GEM: variants seen among roughly 807,000 people sequenced by gnomAD.
The protein encoded by GEM is GTP-binding protein GEM.
GEM carries 31 observed loss-of-function variants against 33.0 expected under a neutral mutation model. The observed-to-expected ratio is 0.94, with a 90% CI of 0.71 to 1.27. The LOEUF (loss-of-function observed/expected upper bound fraction) is 1.27, where lower values mean the gene tolerates loss of function less well. GEM is among the 50% of genes most tolerant of loss of function. GEM has a pLI of 0.00. For synonymous variants in GEM, 141 were observed against 143.7 expected (o/e 0.98, Z 0.13); for missense variants, 354 against 390.5 (o/e 0.91, Z 0.79).
chr8:94,255,601 T>G (rs1808874561), intron 2 of GEM, among the ~76,000 whole-genome samples: 1 of 152,202 alleles, frequency 6.6e-6, no homozygotes, highest in African/African-American at 2.4e-5. Context: ...TCATCTAAGT[T>G]GCTCAGCTCA....
chr8:94,252,360 A>C, intron 3 of GEM, 137 bp from the exon 4 acceptor site: 1 of 643,580 alleles, frequency 1.6e-6, no homozygotes, highest in Non-Finnish European at 2.7e-6. Flanking sequence ...AATCGCTTCC[A>C]ACTCCCTAAA....
At chr8:94,253,465 A>G (rs1487298367) in intron 2 of GEM, among the ~76,000 whole-genome samples, 2 of 152,340 alleles carry the variant, frequency 1.3e-5, no homozygotes, top group East Asian at 3.9e-4. Context: ...GGTTAATGCT[A>G]TGAGGAAACA....
chr8:94,259,639 T>C (rs929305189), intron 2 of GEM, among the ~76,000 whole-genome samples: 6 of 152,228 alleles, frequency 3.9e-5, no homozygotes, highest in African/African-American at 9.6e-5. Context: ...TCAGACTCTA[T>C]AGAAAGTTTC....
rs562260102 is a variant in GEM at position 94,250,009 on chromosome 8, T to C, written c.*301A>G. On this transcript the variant is annotated 3_prime_UTR_variant, in exon 5 of 5. Transcript: ENST00000297596. The stretch of plus-strand genomic sequence containing the variant: ...GAAAAGTTCTTGTTCTAGGCATTCT[T>C]TGTAAGCTTTACTTCTCTACTATCC... 1.0e-5 allele frequency: 3 copies of C among 300,534 alleles called. No individual in the cohort carries two copies. Among genetic ancestry groups the C allele is most frequent in the South Asian group, 2.3e-4 (2 of 8,770 alleles). 18.6% of individuals were successfully genotyped at this position (300,534 alleles called of 1,614,324 possible). A position where few individuals can be genotyped will look rare whatever the true frequency, so the allele number is the denominator to read the frequency against.
chr8:94,251,624 A>G (rs550861839), intron 4 of GEM, among the ~76,000 whole-genome samples: 1 of 152,306 alleles, frequency 6.6e-6, no homozygotes, highest in South Asian at 2.1e-4. Flanking sequence ...AGAGTAGGAC[A>G]GTGTTTCTAG....
In GEM at chr8:94,260,282, G is replaced by T. The variant is rs1819358506; in HGVS notation, c.222C>A (p.Thr74=). The change falls in exon 2 of 5, where the codon ACC becomes ACA. Residue 74 remains threonine, a synonymous_variant. Coordinates refer to ENST00000297596, the MANE Select transcript of GEM (RefSeq NM_005261.4). ...DSVISSESGN[T]YYRVVLIGEQ... The stretch of plus-strand genomic sequence containing the variant: ...CCCCTATGAGCACCACTCGGTAGTA[G>T]GTGTTCCCTGACTCAGAGGAGATGA... The T allele has an allele frequency of 6.2e-7, 1 of 1,614,062 alleles. No homozygotes were observed. The highest frequency in any genetic ancestry group is 1.3e-5 in the African/African-American group (1 of 75,060).
rs905924502 is a variant in GEM at position 94,250,668 on chromosome 8, G to C, written c.614-81C>G. 49 of 1,191,644 alleles carry C rather than the reference G, an allele frequency of 4.1e-5. No homozygotes were observed. The African/African-American group carries it at 7.0e-4, about 17-fold the overall frequency. 73.8% of individuals were successfully genotyped at this position (1,191,644 alleles called of 1,614,324 possible). A position where few individuals can be genotyped will look rare whatever the true frequency, so the allele number is the denominator to read the frequency against. ...ACAGTCAAGCTGGATGGTTCTTCGAGGTAACACTAAGTCAGCTGTATATGC... is the reference window on the plus strand; with the variant it reads ...ACAGTCAAGCTGGATGGTTCTTCGACGTAACACTAAGTCAGCTGTATATGC... On this transcript the variant is annotated intron_variant, in intron 4 of 4. Transcript: ENST00000297596.
Position 94,252,223 on chromosome 8 carries a change from C to T in GEM, c.409G>A (p.Gly137Arg). 6.3e-7 allele frequency: 1 copy of T among 1,596,610 alleles called. No individual in the cohort carries two copies. The highest frequency in any genetic ancestry group is 1.1e-5 in the South Asian group (1 of 90,742). ...IILLDMWENKGENEWLHDHCM... is the reference protein window; with the variant it reads ...IILLDMWENKRENEWLHDHCM... ...TGGTCATGGAGCCATTCATTTTCCC[C>T]CTAATGAAACAATAAGATCTTCTGT... Residue 137 changes from glycine (G) to arginine (R), a missense_variant and splice_region_variant, in exon 4 of 5, where the codon GGG becomes AGG. Coordinates refer to ENST00000297596, the MANE Select transcript of GEM (RefSeq NM_005261.4).
At chr8:94,251,845 T>C (rs1227198294) in intron 4 of GEM, among the ~76,000 whole-genome samples, 174 bp downstream of exon 4, 1 of 152,106 alleles carries the variant, frequency 6.6e-6, no homozygotes, top group Admixed American at 6.5e-5. Context: ...GAACAACTAG[T>C]GTGGAGGAGA....
chr8:94,250,259 A>G lies in GEM; in HGVS notation c.*51T>C, dbSNP rs374905687. 1.3e-5 allele frequency: 19 copies of G among 1,428,908 alleles called. No individual in the cohort carries two copies. Among genetic ancestry groups the G allele is most frequent in the Admixed American group, 1.9e-5 (1 of 53,972 alleles). The allele number at this position is 1,428,908 out of a possible 1,614,324, so 88.5% of individuals were successfully genotyped here. A position where few individuals can be genotyped will look rare whatever the true frequency, so the allele number is the denominator to read the frequency against. ...CAATCTAATATAGATTATTGGTCCC[A>G]ATGGCCTTCAACAACGGCCATCAAA... On this transcript the variant is annotated 3_prime_UTR_variant, in exon 5 of 5. Transcript: ENST00000297596.
chr8:94,260,258 C>A lies in GEM; in HGVS notation c.246G>T (p.Gly82=). 6.2e-7 allele frequency: 1 copy of A among 1,613,590 alleles called. No individual in the cohort carries two copies. Among genetic ancestry groups the A allele is most frequent in the South Asian group, 1.1e-5 (1 of 91,068 alleles). Reference sequence around the variant, plus strand: ...GAGTGGACTTGCCCACCCCCTGCTCCCCTATGAGCACCACTCGGTAGTAGG... The same window carrying A: ...GAGTGGACTTGCCCACCCCCTGCTCACCTATGAGCACCACTCGGTAGTAGG... ...GNTYYRVVLI[G]EQGVGKSTLA... Residue 82 remains glycine (G), a synonymous_variant, in exon 2 of 5, where the codon GGG becomes GGT. Transcript: ENST00000297596.
intron 4 of GEM, among the ~76,000 whole-genome samples, chr8:94,251,485 G>T (rs1808769029): frequency 6.6e-6 from 1 of 152,142 alleles, no homozygotes; most frequent in Admixed American, 6.5e-5. Context: ...AATCTCAAGG[G>T]CTATAAAAGC....
Position 94,250,186 on chromosome 8 carries a change from C to A in GEM, c.*124G>T. ...CATCATGTTGCCCACAAGGCTAATACGCTAGCTCCCTGCTACAATGGGGGA... is the reference window on the plus strand; with the variant it reads ...CATCATGTTGCCCACAAGGCTAATAAGCTAGCTCCCTGCTACAATGGGGGA... On this transcript the variant is annotated 3_prime_UTR_variant, in exon 5 of 5. Transcript: ENST00000297596. 1.3e-6 allele frequency: 1 copy of A among 768,208 alleles called. No individual in the cohort carries two copies. Among genetic ancestry groups the A allele is most frequent in the Non-Finnish European group, 2.1e-6 (1 of 472,146 alleles). The allele number at this position is 768,208 out of a possible 1,614,324, so 47.6% of individuals were successfully genotyped here.
At chr8:94,259,605 A>T (rs943524298) in intron 2 of GEM, among the ~76,000 whole-genome samples, 2 of 152,220 alleles carry the variant, frequency 1.3e-5, no homozygotes, top group South Asian at 4.1e-4. Flanking sequence ...GAAATTGTAC[A>T]GGGAAAATTG....
chr8:94,259,936 C>G (rs1175956190), intron 2 of GEM: 1 of 464,062 alleles, frequency 2.2e-6, no homozygotes, highest in East Asian at 3.3e-5. Flanking sequence ...GAATTGGAAT[C>G]TGAAGAATTC....
chr8:94,252,004 C>T lies in GEM; in HGVS notation c.613+15G>A. On this transcript the variant is annotated intron_variant, in intron 4 of 4. Coordinates refer to ENST00000297596, the MANE Select transcript of GEM (RefSeq NM_005261.4). ...CCAGCGATTGTTTCTACAGTATTGGCTCTGCTCCTCTTACCTGATACAGAC... is the reference window on the plus strand; with the variant it reads ...CCAGCGATTGTTTCTACAGTATTGGTTCTGCTCCTCTTACCTGATACAGAC... 1 of 1,591,758 alleles carries T rather than the reference C, an allele frequency of 6.3e-7. No homozygotes were observed. Among genetic ancestry groups the T allele is most frequent in the East Asian group, 2.2e-5 (1 of 44,766 alleles).
rs1045206458 is a variant in GEM, at chr8:94,261,382, T to G, written c.-10+708A>C. 3.3e-5 allele frequency among the ~76,000 whole-genome samples: 5 copies of G among 152,228 alleles called. No individual in the cohort carries two copies. The East Asian group carries it at 9.6e-4, about 29-fold the overall frequency. On this transcript the variant is annotated intron_variant, in intron 1 of 4. Transcript: ENST00000297596. ...CCTTTTTTGAGTCAGGGTCTTGCTC[T>G]GTCACCCAGGCTGGAGTGCAGTGGC... is the stretch of plus-strand genomic sequence containing the variant.
chr8:94,259,914 C>T (rs770041162), intron 2 of GEM: 10 of 417,526 alleles, frequency 2.4e-5, no homozygotes, highest in Admixed American at 3.8e-5. Context: ...TCAGCCTTCC[C>T]CAACCCATTT....
intron 1 of GEM, 68 bp from the exon 2 acceptor site, chr8:94,260,580 G>T: frequency 2.5e-6 from 2 of 815,428 alleles, no homozygotes; most frequent in Non-Finnish European, 3.9e-6. Context: ...CAAATACATG[G>T]TCAGTCATCA....
Sources: allele counts gnomAD v4.1 joint callset (sites outside exome capture counted in the v4.1 genomes callset), GRCh38; gene constraint gnomAD v4.1.1; transcripts MANE v1.5; gene names NCBI Gene and HGNC (gene_info 2026-07-23, HGNC 2026-07-21).